Variants in NUP210 observed in about 807,000 individuals in gnomAD.
NUP210 encodes the protein nuclear pore membrane glycoprotein 210.
In NUP210, 151 loss-of-function variants were observed where a neutral mutation model predicts 196.0. The observed-to-expected ratio is 0.77, with a 90% CI of 0.67 to 0.88. The LOEUF is 0.88. Among genes scored for constraint, NUP210 ranks in the 40% least tolerant of loss-of-function variants. The pLI is 0.00. For missense variants in NUP210, 2,314 were observed against 2,493.7 expected (o/e 0.93, Z 1.53); for synonymous variants, 1,070 against 1,052.7 (o/e 1.02, Z -0.32).
At chr3:13,343,342 G>GGGCC in intron 20 of NUP210, 39 bp from the exon 21 acceptor site, 3 of 655,984 alleles carry the variant, frequency 4.6e-6, no homozygotes, top group East Asian at 4.4e-5. Context: ...TGGGTGGTGG[G>GGGCC]TTACGCAGCT....
At chr3:13,392,881 G>A (rs1417691206) in intron 3 of NUP210, among the ~76,000 whole-genome samples, 1 of 151,734 alleles carries the variant, frequency 6.6e-6, no homozygotes, top group Non-Finnish European at 1.5e-5. Context: ...GGCCGGCTTT[G>A]CAGTATGCTC....
At position 13,386,341 on chromosome 3, in the gene NUP210, C is replaced by T. The variant is rs770731463; in HGVS notation, c.751G>A (p.Val251Ile). ...ENILLNPAYD[V>I]YLMVGTSIHY... is the part of the protein sequence containing the mutation. ...ATGGAGGTTCCCACCATCAGGTAGA[C>T]GTCATAGGCCGGGTTCAGAAGGATG... The change falls in exon 6 of 40, where the codon GTC becomes ATC. Residue 251 changes from valine (V) to isoleucine (I), a missense_variant. Val to Ile is a conservative substitution (Grantham distance 29). Coordinates refer to ENST00000254508, the MANE Select transcript of NUP210 (RefSeq NM_024923.4). The T allele has an allele frequency of 1.4e-5, 23 of 1,614,022 alleles. No individual in the cohort carries two copies. The highest frequency in any genetic ancestry group is 6.7e-5 in the African/African-American group (5 of 74,898).
Position 13,420,038 on chromosome 3 carries a change from C to A in NUP210, c.167+22G>T. The A allele has an allele frequency of 8.2e-7, 1 of 1,222,458 alleles. No individual in the cohort carries two copies. The highest frequency in any genetic ancestry group is 1.0e-6 in the Non-Finnish European group (1 of 968,276). The allele number at this position is 1,222,458 out of a possible 1,614,324, so 75.7% of individuals were successfully genotyped here. ...GCCCAGCCCGGCCCACGGCGCCCGCCCGGCCCGGCCGCGCGCCTCACCAGC... is the reference window on the plus strand; with the variant it reads ...GCCCAGCCCGGCCCACGGCGCCCGCACGGCCCGGCCGCGCGCCTCACCAGC... On this transcript the variant is annotated intron_variant, in intron 1 of 39. Coordinates refer to ENST00000254508, the MANE Select transcript of NUP210 (RefSeq NM_024923.4). This position sits in a 1 kb window ranked among gnomAD's most constrained non-coding sequence, Gnocchi z 4.8.
chr3:13,393,360 T>A (rs939991327), intron 3 of NUP210, among the ~76,000 whole-genome samples: 1 of 152,220 alleles, frequency 6.6e-6, no homozygotes, highest in Non-Finnish European at 1.5e-5. Flanking sequence ...TTTTTCATCA[T>A]CTTTGCTCCC....
At chr3:13,389,642 A>C (rs1411006185) in intron 4 of NUP210, among the ~76,000 whole-genome samples, 1 of 152,204 alleles carries the variant, frequency 6.6e-6, no homozygotes, top group Middle Eastern at 3.2e-3. Context: ...GCGTCAGGAC[A>C]TGAGGACGTC....
Position 13,342,087 on chromosome 3 carries a change from C to G in NUP210, c.3001G>C (p.Val1001Leu). The G allele has an allele frequency of 6.2e-7, 1 of 1,614,198 alleles. No individual in the cohort carries two copies. The highest frequency in any genetic ancestry group is 1.3e-5 in the African/African-American group (1 of 75,050). The change falls in exon 22 of 40, where the codon GTG becomes CTG. Residue 1001 changes from valine (V) to leucine (L), a missense_variant. Coordinates refer to ENST00000254508, the MANE Select transcript of NUP210 (RefSeq NM_024923.4). ...AAGGGCTTCTTGTGCAAGTCCAGCA[C>G]GCGGACGTATGCCTTCACTGTCTTC... ...IGKTVKAYVR[V>L]LDLHKKPFLA...
intron 33 of NUP210, 122 bp downstream of exon 33, chr3:13,325,673 C>G: frequency 2.5e-6 from 3 of 1,217,382 alleles, no homozygotes; most frequent in Non-Finnish European, 3.5e-6. Context: ...ACTCATGACT[C>G]CCAGACCCAA....
rs1005121100 is a variant in NUP210 at position 13,347,766 on chromosome 3, G to T, written c.2835+4113C>A. ...CACAGCCACGAGTAGACATCCCTCG[G>T]AAACAGTCGCCTGCAACTGTTTCTG... is the stretch of plus-strand genomic sequence containing the variant. On this transcript the variant is annotated intron_variant, in intron 20 of 39. Coordinates refer to ENST00000254508, the MANE Select transcript of NUP210 (RefSeq NM_024923.4). The surrounding 1 kb of genome is among the most constrained non-coding windows in gnomAD (Gnocchi z 4.7). Among the ~76,000 whole-genome samples, 16 of 152,258 alleles carry T rather than the reference G, an allele frequency of 1.1e-4. No individual in the cohort carries two copies. Among genetic ancestry groups the T allele is most frequent in the Admixed American group, 9.8e-4 (15 of 15,294 alleles).
intron 4 of NUP210, among the ~76,000 whole-genome samples, chr3:13,390,927 C>T (rs764880396): frequency 4.6e-5 from 7 of 152,248 alleles, no homozygotes; most frequent in Non-Finnish European, 8.8e-5. Context: ...TTCCCTGTGC[C>T]CTGAGACAGC....
rs115520461 is a variant in NUP210, at chr3:13,400,985, C to T, written c.168-1124G>A. Among the ~76,000 whole-genome samples the T allele has an allele frequency of 3.0e-3, 458 of 152,192 alleles. 2 individuals carry two copies. The highest frequency in any genetic ancestry group is 5.4e-3 in the Non-Finnish European group (366 of 68,000). ...AAAAGCAATGGTGCGTGGCCAGGCG[C>T]AGTGGCTCATGCCTGTAATCCCAGA... On this transcript the variant is annotated intron_variant, in intron 1 of 39. Transcript: ENST00000254508.
chr3:13,404,541 T>TA (rs1363924939), intron 1 of NUP210, among the ~76,000 whole-genome samples: 1 of 152,242 alleles, frequency 6.6e-6, no homozygotes, highest in African/African-American at 2.4e-5. Flanking sequence ...AGTTGTAACT[T>TA]AAAGAACTAC....
Position 13,376,400 on chromosome 3 carries a change from T to G in NUP210, c.1184A>C (p.Glu395Ala). 1.2e-6 allele frequency: 2 copies of G among 1,614,200 alleles called. No homozygotes were observed. Among genetic ancestry groups the G allele is most frequent in the African/African-American group, 1.3e-5 (1 of 75,040 alleles). The change falls in exon 10 of 40, where the codon GAG (glutamate) becomes GCG (alanine). Residue 395 changes from glutamate to alanine, a missense_variant. By Grantham distance (107) the Glu-to-Ala change is moderately radical. Transcript: ENST00000254508. ...GGAGGACGAGAGCACCTCGAAGAAC[T>G]CAGCAGGAAGCACAGTTTCAATTCG... is the stretch of plus-strand genomic sequence containing the variant. Reference protein sequence around the residue: ...NIRIETVLPAEFFEVLSSSQN... With the variant: ...NIRIETVLPAAFFEVLSSSQN...
intron 10 of NUP210, 72 bp downstream of exon 10, chr3:13,376,219 T>C: frequency 1.9e-6 from 3 of 1,555,254 alleles, no homozygotes; most frequent in Non-Finnish European, 2.6e-6. Flanking sequence ...ATGGCCCTCC[T>C]GGGCTGACAT....
chr3:13,407,901 G>A (rs1223462166), intron 1 of NUP210, among the ~76,000 whole-genome samples: 1 of 152,188 alleles, frequency 6.6e-6, no homozygotes, highest in Non-Finnish European at 1.5e-5. Context: ...TCTTCACGGA[G>A]CTTTCACTTT....
At chr3:13,319,465 C>A in intron 37 of NUP210, 140 bp from the exon 38 acceptor site, 1 of 760,932 alleles carries the variant, frequency 1.3e-6, no homozygotes, top group Non-Finnish European at 2.2e-6. Flanking sequence ...GAGGGCCAGG[C>A]CACCTGCTGG....
chr3:13,365,812 T>C (rs1022698362), intron 14 of NUP210, 134 bp downstream of exon 14: 11 of 952,018 alleles, frequency 1.2e-5, no homozygotes, highest in Admixed American at 4.0e-5. Flanking sequence ...CCAGAAATCA[T>C]GGGAGAGGAA....
chr3:13,365,221 C>A (rs1371775108), intron 14 of NUP210, among the ~76,000 whole-genome samples: 1 of 152,208 alleles, frequency 6.6e-6, no homozygotes, highest in African/African-American at 2.4e-5. Context: ...ATAACTAACC[C>A]TTCCTGAGCC....
rs563591896 is a variant in NUP210 at position 13,353,917 on chromosome 3, T to C, written c.2519A>G (p.His840Arg). 3.6e-5 allele frequency: 58 copies of C among 1,606,908 alleles called. No homozygotes were observed. The South Asian group carries it at 5.9e-4, about 16-fold the overall frequency. Residue 840 changes from histidine to arginine, a missense_variant and splice_region_variant, in exon 17 of 40, where the codon CAC becomes CGC. By Grantham distance (29) the His-to-Arg change is conservative. Transcript: ENST00000254508. ...CATCAGGCTTGTGCCCAGCTCACCG[T>C]GCAGCTTCTTTTGGCCACTCTCATC... The part of the protein sequence containing the change: ...QDDESGQKKL[H>R]GLQAILVHEA...
intron 1 of NUP210, among the ~76,000 whole-genome samples, chr3:13,419,543 C>T (rs1700460889): frequency 6.6e-6 from 1 of 152,224 alleles, no homozygotes; most frequent in South Asian, 2.1e-4. Flanking sequence ...GGCCCCTGGG[C>T]TTCCCTCCAA....
Sources: allele counts gnomAD v4.1 joint callset (sites outside exome capture counted in the v4.1 genomes callset), GRCh38; gene constraint gnomAD v4.1.1; non-coding constraint Gnocchi (gnomAD v3.1); transcripts MANE v1.5; gene names NCBI Gene and HGNC (gene_info 2026-07-23, HGNC 2026-07-21).